BBX: variants seen among roughly 807,000 people sequenced by gnomAD.
BBX encodes the protein BBX high mobility group box domain containing.
A neutral mutation model predicts 100.2 loss-of-function variants in BBX; 30 were observed. The ratio of observed to expected loss-of-function variants is 0.30; its 90% CI spans 0.22 to 0.41. The LOEUF (loss-of-function observed/expected upper bound fraction) is 0.41, where lower values mean the gene tolerates loss of function less well. Ranked by LOEUF, BBX falls within the 10% of genes least tolerant of loss-of-function variation. The probability of loss-of-function intolerance (pLI) is 1.00; values close to 1 mark genes in which losing one functional copy is unlikely to be tolerated. For synonymous variants in BBX, 376 were observed against 388.1 expected, an observed-to-expected ratio of 0.97 and a Z score of 0.37; for missense variants, 1,023 against 1,129.8, an observed-to-expected ratio of 0.91 and a Z score of 1.35.
rs192320640 is a variant in BBX at position 107,630,569 on chromosome 3, A to G, written c.-83-15267A>G. 1.2e-3 allele frequency among the ~76,000 whole-genome samples: 185 copies of G among 152,308 alleles called. 1 individual carries two copies. The highest frequency in any genetic ancestry group is 4.3e-3 in the African/African-American group (178 of 41,572). On this transcript the variant is annotated intron_variant, in intron 2 of 17. Transcript: ENST00000325805. ...GCCATTTCTGTTGCCTGCCAAAGCA[A>G]TGAGCTTATCTTTCATCTTTAAACC... is the stretch of plus-strand genomic sequence containing the variant.
At chr3:107,555,816 G>C (rs2050058591) in intron 2 of BBX, among the ~76,000 whole-genome samples, 1 of 152,136 alleles carries the variant, frequency 6.6e-6, no homozygotes, top group South Asian at 2.1e-4. Context: ...ATTTCTTAGA[G>C]TCCTAAAAAT....
At position 107,704,399 on chromosome 3, in the gene BBX, A is replaced by G. The variant is rs562723247; in HGVS notation, c.-9-6053A>G. ...ATGGCACCTGCACTCTGAAGGTCAC[A>G]ACCTTTTGTGGACGTGGAGATGTCT... On this transcript the variant is annotated intron_variant, in intron 3 of 17. Coordinates refer to ENST00000325805, the MANE Select transcript of BBX (RefSeq NM_001142568.3). Among the ~76,000 whole-genome samples the G allele has an allele frequency of 3.3e-5, 5 of 152,330 alleles. No individual in the cohort carries two copies. The East Asian group carries it at 9.7e-4, about 29-fold the overall frequency.
intron 2 of BBX, among the ~76,000 whole-genome samples, chr3:107,584,670 A>ATT: frequency 1.4e-5 from 1 of 69,822 alleles, no homozygotes; most frequent in Middle Eastern, 0.012. Context: ...TTCCGTTGAA[A>ATT]TCTTTTTTTT....
chr3:107,712,360 A>G (rs2061779795), intron 4 of BBX, among the ~76,000 whole-genome samples: 1 of 152,168 alleles, frequency 6.6e-6, no homozygotes, highest in Admixed American at 6.5e-5. Context: ...TCCATTAGTT[A>G]TCAACTAGAA....
Position 107,755,551 on chromosome 3 carries a change from TC to T in BBX, c.826-46del, listed in dbSNP as rs111300616. On this transcript the variant is annotated intron_variant, in intron 9 of 17. Coordinates refer to ENST00000325805, the MANE Select transcript of BBX (RefSeq NM_001142568.3). ...ATGTATATGAATGAGAAGCAAAGATTCTGGTATCACAACTAATATTCCCTAT... is the reference window on the plus strand; with the variant it reads ...ATGTATATGAATGAGAAGCAAAGATTTGGTATCACAACTAATATTCCCTAT... 2.1e-4 allele frequency: 326 copies of T among 1,527,554 alleles called. 1 individual carries two copies. In the African/African-American group the frequency reaches 3.5e-3, roughly 17 times the overall value. 94.6% of individuals were successfully genotyped at this position (1,527,554 alleles called of 1,614,324 possible). A position where few individuals can be genotyped will look rare whatever the true frequency, so the allele number is the denominator to read the frequency against.
chr3:107,572,229 T>G (rs79203015), intron 2 of BBX, among the ~76,000 whole-genome samples: 383 of 152,312 alleles, frequency 2.5e-3, no homozygotes, highest in African/African-American at 8.8e-3. Flanking sequence ...TCTCTTGAAC[T>G]TTTCCCGTCT....
intron 10 of BBX, among the ~76,000 whole-genome samples, chr3:107,772,093 TAA>T (rs66985998): frequency 8.6e-5 from 13 of 151,556 alleles, no homozygotes; most frequent in Admixed American, 2.6e-4. Flanking sequence ...CATTCCAAAA[TAA>T]AAAAAAAAAT....
chr3:107,635,796 T>C (rs2056816392), intron 2 of BBX, among the ~76,000 whole-genome samples: 1 of 151,166 alleles, frequency 6.6e-6, no homozygotes, highest in Non-Finnish European at 1.5e-5. Context: ...CACTGCAAGC[T>C]CCGCCTCCTG....
intron 2 of BBX, among the ~76,000 whole-genome samples, chr3:107,572,473 A>G (rs761209259): frequency 2.0e-5 from 3 of 152,218 alleles, no homozygotes; most frequent in Non-Finnish European, 4.4e-5. Context: ...AAGTAATTGC[A>G]TATTAGTCTT....
chr3:107,716,714 T>C lies in BBX; in HGVS notation c.270T>C (p.Phe90=). 1 of 1,613,818 alleles carries C rather than the reference T, an allele frequency of 6.2e-7. No homozygotes were observed. The highest frequency in any genetic ancestry group is 8.5e-7 in the Non-Finnish European group (1 of 1,179,810). Residue 90 remains phenylalanine (F), a synonymous_variant, in exon 5 of 18, where the codon TTT becomes TTC. Coordinates refer to ENST00000325805, the MANE Select transcript of BBX (RefSeq NM_001142568.3). ...ARRPMNAFLL[F]CKRHRSLVRQ... ...GACCAATGAATGCATTTCTTTTATT[T>C]TGCAAACGCCATCGCTCTCTTGTAC...
At chr3:107,526,139 G>A (rs2047756535) in intron 1 of BBX, among the ~76,000 whole-genome samples, 188 bp from the exon 2 acceptor site, 1 of 152,174 alleles carries the variant, frequency 6.6e-6, no homozygotes, top group African/African-American at 2.4e-5. Flanking sequence ...TTTCAATACG[G>A]GGAGCTTCTT....
At position 107,805,645 on chromosome 3, in the gene BBX, A is replaced by T; in HGVS notation, c.*188A>T. 1 of 1,088,550 alleles carries T rather than the reference A, an allele frequency of 9.2e-7. No homozygotes were observed. The highest frequency in any genetic ancestry group is 1.6e-5 in the South Asian group (1 of 61,210). The allele number at this position is 1,088,550 out of a possible 1,614,324, so 67.4% of individuals were successfully genotyped here. A position where few individuals can be genotyped will look rare whatever the true frequency, so the allele number is the denominator to read the frequency against. On this transcript the variant is annotated 3_prime_UTR_variant, in exon 18 of 18. Transcript: ENST00000325805. The stretch of plus-strand genomic sequence containing the variant: ...CCAGTTTGTTCTCTCAGAACCCAGA[A>T]TCTTTGAGGGTAAGGTTATCTGTCT...
At chr3:107,746,275 C>T (rs1224184589) in intron 8 of BBX, among the ~76,000 whole-genome samples, 2 of 152,046 alleles carry the variant, frequency 1.3e-5, no homozygotes, top group African/African-American at 4.8e-5. Flanking sequence ...ATAAGTTGTA[C>T]TGAGTTTATA....
chr3:107,550,476 G>A (rs998897851), intron 2 of BBX, among the ~76,000 whole-genome samples: 4 of 152,128 alleles, frequency 2.6e-5, no homozygotes, highest in South Asian at 2.1e-4. Context: ...TTAGCAGGTG[G>A]TACAGCATAG....
intron 7 of BBX, among the ~76,000 whole-genome samples, chr3:107,736,936 T>C (rs2063674107): frequency 6.6e-6 from 1 of 152,120 alleles, no homozygotes; most frequent in Non-Finnish European, 1.5e-5. Context: ...GTATGACTGT[T>C]GGAAGCTAAA....
chr3:107,625,438 C>T (rs564110266), intron 2 of BBX, among the ~76,000 whole-genome samples: 115 of 152,252 alleles, frequency 7.6e-4, no homozygotes, highest in African/African-American at 2.6e-3. Flanking sequence ...CCACTACACC[C>T]AGCTAATTTT....
At position 107,670,819 on chromosome 3, in the gene BBX, C is replaced by A. The variant is rs1302911157; in HGVS notation, c.-10+24910C>A. On this transcript the variant is annotated intron_variant, in intron 3 of 17. Coordinates refer to ENST00000325805, the MANE Select transcript of BBX (RefSeq NM_001142568.3). The stretch of plus-strand genomic sequence containing the variant: ...TGTTTGAAGAAGTAGGTACTGACAC[C>A]CAATTAATTGCCCACTACCAACACC... Among the ~76,000 whole-genome samples the A allele has an allele frequency of 2.0e-5, 3 of 151,822 alleles. No homozygotes were observed. In the East Asian group the frequency reaches 5.8e-4, roughly 29 times the overall value.
At chr3:107,527,950 TC>T (rs1327118244) in intron 2 of BBX, among the ~76,000 whole-genome samples, 1 of 152,218 alleles carries the variant, frequency 6.6e-6, no homozygotes, top group Non-Finnish European at 1.5e-5. Context: ...TAATATTCCT[TC>T]CCCATGGAAA....
chr3:107,582,650 A>G (rs1180972760), intron 2 of BBX, among the ~76,000 whole-genome samples: 3 of 152,114 alleles, frequency 2.0e-5, no homozygotes, highest in African/African-American at 4.8e-5. Context: ...CTGTTGGCAT[A>G]TAAGAAAAGT....
Sources: gnomAD v4.1 joint callset for allele counts (sites outside exome capture counted in the v4.1 genomes callset) on GRCh38, gnomAD v4.1.1 for gene constraint, MANE v1.5 for transcripts, NCBI Gene and HGNC (gene_info 2026-07-23, HGNC 2026-07-21) for gene names.